CYP2F1: variants seen among roughly 807,000 people sequenced by gnomAD.
The protein encoded by CYP2F1 is cytochrome P450 2F1.
In CYP2F1, 33 loss-of-function variants were observed where a neutral mutation model predicts 40.4. The ratio of observed to expected loss-of-function variants is 0.82; its 90% confidence interval spans 0.62 to 1.09. The LOEUF (loss-of-function observed/expected upper bound fraction) is 1.09, where lower values mean the gene tolerates loss of function less well. Among genes scored for constraint, CYP2F1 ranks in the 50% least tolerant of loss-of-function variants. The pLI, the probability that CYP2F1 is intolerant of heterozygous loss-of-function variation, is 0.00. For synonymous variants in CYP2F1, 235 were observed against 277.2 expected (o/e 0.85, Z 1.51); for missense variants, 566 against 655.7 (o/e 0.86, Z 1.49).
At chr19:41,121,248 A>C (rs1166331574) in intron 4 of CYP2F1, among the ~76,000 whole-genome samples, 1 of 152,044 alleles carries the variant, frequency 6.6e-6, no homozygotes, top group African/African-American at 2.4e-5. Context: ...GATGTGCTGC[A>C]GGAAGTTGTG....
intron 3 of CYP2F1, among the ~76,000 whole-genome samples, chr19:41,118,184 G>A (rs2031934707): frequency 6.6e-6 from 1 of 151,916 alleles, no homozygotes; most frequent in African/African-American, 2.4e-5. Flanking sequence ...CTGTTCAAAG[G>A]AAGCTATGTG....
intron 3 of CYP2F1, among the ~76,000 whole-genome samples, chr19:41,117,222 C>G (rs1012641334): frequency 7.2e-5 from 11 of 152,124 alleles, no homozygotes; most frequent in African/African-American, 2.7e-4. Context: ...CCTCTGCCTC[C>G]CAGGCTCATG....
At chr19:41,117,348 T>C (rs1209748470) in intron 3 of CYP2F1, among the ~76,000 whole-genome samples, 1 of 151,968 alleles carries the variant, frequency 6.6e-6, no homozygotes, top group Non-Finnish European at 1.5e-5. Flanking sequence ...GTCAGGCTGG[T>C]CTCAAACTCC....
chr19:41,117,427 T>C (rs1256624971), intron 3 of CYP2F1, among the ~76,000 whole-genome samples: 1 of 152,032 alleles, frequency 6.6e-6, no homozygotes, highest in Non-Finnish European at 1.5e-5. Flanking sequence ...CCACTGCTCC[T>C]GGCCCAAACT....
In CYP2F1 at chr19:41,120,637, A is replaced by G. The variant is rs1465936814; in HGVS notation, c.484+141A>G. ...GCTGGTACTTCAGGTGTGCTCCACC[A>G]CACCCAGCTTATTTTTAAATTTTTT... On this transcript the variant is annotated intron_variant, in intron 4 of 9. Transcript: ENST00000331105. 5.4e-6 allele frequency: 5 copies of G among 922,932 alleles called. No homozygotes were observed. The Admixed American group carries it at 1.2e-4, about 21-fold the overall frequency. 57.2% of individuals were successfully genotyped at this position (922,932 alleles called of 1,614,324 possible). A position where few individuals can be genotyped will look rare whatever the true frequency, so the allele number is the denominator to read the frequency against.
intron 3 of CYP2F1, among the ~76,000 whole-genome samples, chr19:41,119,068 T>G (rs1180290471): frequency 6.6e-6 from 1 of 151,946 alleles, no homozygotes; most frequent in Non-Finnish European, 1.5e-5. Context: ...AGAGAAACAC[T>G]TGGCCCAGCC....
Position 41,127,927 on chromosome 19 carries a change from C to G in CYP2F1, c.1321C>G (p.Leu441Val). Reference sequence around the variant, plus strand: ...GCGCCGTCTGTGCCTGGGAGAGTCGCTGGCGCGCATGGAGCTCTTTCTGTA... The same window carrying G: ...GCGCCGTCTGTGCCTGGGAGAGTCGGTGGCGCGCATGGAGCTCTTTCTGTA... ...AGRRLCLGES[L>V]ARMELFLYLT... The change falls in exon 10 of 10, where the codon CTG (leucine) becomes GTG (valine). Residue 441 changes from leucine to valine, a missense_variant. Leu to Val is a conservative substitution (Grantham distance 32, BLOSUM62 1). Around this residue, in one of 5 missense-constraint regions of CYP2F1, gnomAD observed 85 missense variants for 84.9 expected, o/e 1.00. Transcript: ENST00000331105. The G allele has an allele frequency of 6.2e-7, 1 of 1,612,890 alleles. No individual in the cohort carries two copies. The highest frequency in any genetic ancestry group is 8.5e-7 in the Non-Finnish European group (1 of 1,179,824).
intron 7 of CYP2F1, among the ~76,000 whole-genome samples, chr19:41,124,068 C>T (rs548043736): frequency 2.6e-5 from 4 of 151,862 alleles, no homozygotes; most frequent in East Asian, 1.9e-4. Context: ...CTCGACCTAC[C>T]GTCCAGCCAG....
intron 4 of CYP2F1, among the ~76,000 whole-genome samples, chr19:41,120,758 A>G (rs1191451066): frequency 6.6e-6 from 1 of 151,906 alleles, no homozygotes; most frequent in East Asian, 2.0e-4. Flanking sequence ...CTGGAACTAT[A>G]GGCATACACC....
intron 7 of CYP2F1, among the ~76,000 whole-genome samples, chr19:41,124,255 C>CCTCCT (rs1568381420): frequency 2.8e-5 from 1 of 35,250 alleles, no homozygotes; most frequent in African/African-American, 1.2e-4. Context: ...TCCCCCCCCC[C>CCTCCT]TTTTTTTTTT....
At chr19:41,125,221 C>A in intron 8 of CYP2F1, 2 of 606,084 alleles carry the variant, frequency 3.3e-6, no homozygotes, top group Non-Finnish European at 5.7e-6. Context: ...TCTCAGGGAC[C>A]CCTCCTTTTC....
chr19:41,119,715 CTCTCTCTCTATATATA>C (rs1325005314), intron 3 of CYP2F1, among the ~76,000 whole-genome samples: 1 of 40,530 alleles, frequency 2.5e-5, no homozygotes, highest in African/African-American at 9.1e-5. Context: ...CTCTCTCTCT[CTCTCTCTCTATATATA>C]TATATATATA....
chr19:41,119,748 TACACACACACAC>T lies in CYP2F1; in HGVS notation c.335-573_335-562del, dbSNP rs147688839. ...CTATATATATATATATATATATATA[TACACACACACAC>T]ACACACACACACACACACACACACA... On this transcript the variant is annotated intron_variant, in intron 3 of 9. Transcript: ENST00000331105. Among the ~76,000 whole-genome samples, 21 of 36,096 alleles carry T rather than the reference TACACACACACAC, an allele frequency of 5.8e-4. 1 individual carries two copies. Among genetic ancestry groups the T allele is most frequent in the African/African-American group, 1.5e-3 (14 of 9,180 alleles). 23.7% of individuals were successfully genotyped at this position (36,096 alleles called of 152,430 possible).
In CYP2F1 at chr19:41,128,050, C is replaced by A; in HGVS notation, c.1444C>A (p.Arg482=). The A allele has an allele frequency of 1.9e-6, 3 of 1,610,036 alleles. No homozygotes were observed. Among genetic ancestry groups the A allele is most frequent in the Non-Finnish European group, 1.7e-6 (2 of 1,178,528 alleles). ...CAGCTCAGGTCTTGGCAATTTGCCG[C>A]GGCCTTTCCAGCTGTGCCTGCGCCC... The part of the protein sequence containing the change: ...PLSSGLGNLP[R]PFQLCLRPR The change falls in exon 10 of 10, where the codon CGG becomes AGG. Residue 482 remains arginine, a synonymous_variant. Coordinates refer to ENST00000331105, the MANE Select transcript of CYP2F1 (RefSeq NM_000774.5).
intron 7 of CYP2F1, 93 bp from the exon 8 acceptor site, chr19:41,124,625 GA>G: frequency 8.6e-7 from 1 of 1,161,980 alleles, no homozygotes; most frequent in African/African-American, 1.5e-5. Flanking sequence ...ACTTTGACTA[GA>G]CGCCTCCCCA....
At chr19:41,124,542 C>T (rs2032432287) in intron 7 of CYP2F1, among the ~76,000 whole-genome samples, 177 bp from the exon 8 acceptor site, 2 of 152,098 alleles carry the variant, frequency 1.3e-5, no homozygotes, top group African/African-American at 4.8e-5. Context: ...GGATTACAGG[C>T]GTGAGCCACC....
chr19:41,119,801 C>A (rs1423576483), intron 3 of CYP2F1, among the ~76,000 whole-genome samples: 1 of 135,402 alleles, frequency 7.4e-6, no homozygotes, highest in South Asian at 2.5e-4. Context: ...ATTAGGTGGG[C>A]GTGGTGGTGC....
At chr19:41,120,060 T>A (rs2032096637) in intron 3 of CYP2F1, among the ~76,000 whole-genome samples, 1 of 151,948 alleles carries the variant, frequency 6.6e-6, no homozygotes, top group South Asian at 2.1e-4. Flanking sequence ...GCCTTCACAG[T>A]TCTGTGAAGG....
rs745961139 is a variant in CYP2F1 at position 41,122,027 on chromosome 19, A to T, written c.716A>T (p.Lys239Met). ...CACCAACGCATCTTCCAGAACTTCA[A>T]GTGCCTGAGAGACCTCATCGCCCAC... is the stretch of plus-strand genomic sequence containing the variant. ...GPHQRIFQNF[K>M]CLRDLIAHSV... The change falls in exon 6 of 10, where the codon AAG becomes ATG. Residue 239 changes from lysine to methionine, a missense_variant. By Grantham distance (95) the Lys-to-Met change is moderately conservative (BLOSUM62 -1). Transcript: ENST00000331105. 6 of 1,612,718 alleles carry T rather than the reference A, an allele frequency of 3.7e-6. No homozygotes were observed. The African/African-American group carries it at 6.7e-5, about 18-fold the overall frequency.
Sources: allele counts gnomAD v4.1 joint callset (sites outside exome capture counted in the v4.1 genomes callset), GRCh38; gene constraint gnomAD v4.1.1; regional missense constraint gnomAD v4.1.1; transcripts MANE v1.5; gene names NCBI Gene and HGNC (gene_info 2026-07-23, HGNC 2026-07-21).